PRKCH: variants seen among roughly 807,000 people sequenced by gnomAD.
PRKCH encodes protein kinase C eta type.
A neutral mutation model predicts 82.5 loss-of-function variants in PRKCH; 28 were observed. The observed-to-expected ratio is 0.34, with a 90% CI of 0.25 to 0.47. The LOEUF (loss-of-function observed/expected upper bound fraction) is 0.47, where lower values mean the gene tolerates loss of function less well. Among genes scored for constraint, PRKCH ranks in the 20% least tolerant of loss-of-function variants. The probability of loss-of-function intolerance (pLI) is 1.00; values close to 1 mark genes in which losing one functional copy is unlikely to be tolerated. For synonymous variants in PRKCH, 322 were observed against 327.4 expected, an observed-to-expected ratio of 0.98 and a Z score of 0.18; for missense variants, 705 against 881.8, an observed-to-expected ratio of 0.80 and a Z score of 2.54.
chr14:61,281,336 A>C, intron 1 of PRKCH: 1 of 370,600 alleles, frequency 2.7e-6, no homozygotes, highest in Non-Finnish European at 5.0e-6. Flanking sequence ...CCCTACGAGC[A>C]GTGCCCACAC....
At position 61,202,110 on chromosome 14, in the gene PRKCH, G is replaced by C. The variant is rs1369627769; in HGVS notation, c.-19+14442G>C. Among the ~76,000 whole-genome samples, 3 of 152,298 alleles carry C rather than the reference G, an allele frequency of 2.0e-5. No individual in the cohort carries two copies. In the East Asian group the frequency reaches 5.8e-4, roughly 29 times the overall value. On this transcript the variant is annotated intron_variant, in intron 1 of 3. Coordinates refer to the PRKCH transcript ENST00000555185. ...ATGTAAGTGGCACCAAGTGGGATGA[G>C]GGGCTTCTTCCAAAGGCTGGAACCA...
chr14:61,476,449 G>A (rs1449841637), intron 9 of PRKCH: 2 of 152,198 alleles, frequency 1.3e-5, no homozygotes, highest in African/African-American at 4.8e-5. Context: ...TCAGGAAGAG[G>A]GGACTTGTGC....
chr14:61,279,995 G>A, intron 1 of PRKCH: 1 of 1,068,100 alleles, frequency 9.4e-7, no homozygotes. Flanking sequence ...GGAAAAGCTA[G>A]GCGAGGTTGG....
intron 1 of PRKCH, among the ~76,000 whole-genome samples, chr14:61,238,963 G>C (rs939476521): frequency 1.2e-4 from 19 of 152,162 alleles, no homozygotes; most frequent in Non-Finnish European, 2.5e-4. Flanking sequence ...TCATTATAAA[G>C]CTGGTCCCAC....
intron 1 of PRKCH, among the ~76,000 whole-genome samples, chr14:61,390,484 A>G (rs984105715): frequency 6.6e-6 from 1 of 152,136 alleles, no homozygotes; most frequent in African/African-American, 2.4e-5. Context: ...CAGCCTGGCC[A>G]ACATGGTGAA....
At chr14:61,531,831 A>G (rs2043047008) in intron 12 of PRKCH, among the ~76,000 whole-genome samples, 1 of 152,224 alleles carries the variant, frequency 6.6e-6, no homozygotes. Flanking sequence ...ATATTAGTAG[A>G]AATTTTAGAG....
intron 1 of PRKCH, among the ~76,000 whole-genome samples, chr14:61,257,999 T>G (rs1218732907): frequency 6.6e-6 from 1 of 152,008 alleles, no homozygotes; most frequent in Non-Finnish European, 1.5e-5. Flanking sequence ...TTGCTAGGTG[T>G]TTTAACTGGA....
chr14:61,537,284 A>C (rs369318644), intron 12 of PRKCH, among the ~76,000 whole-genome samples: 2 of 152,214 alleles, frequency 1.3e-5, no homozygotes, highest in African/African-American at 2.4e-5. Flanking sequence ...TAACACAAAA[A>C]AGGCATATGA....
intron 1 of PRKCH, among the ~76,000 whole-genome samples, chr14:61,374,390 A>T (rs752204230): frequency 6.6e-6 from 1 of 152,130 alleles, no homozygotes; most frequent in Non-Finnish European, 1.5e-5. Context: ...TCCACTAGGT[A>T]GTGCCCCAAT....
intron 9 of PRKCH, among the ~76,000 whole-genome samples, chr14:61,462,514 ACATAG>A (rs772297669): frequency 6.6e-6 from 1 of 152,244 alleles, no homozygotes; most frequent in Non-Finnish European, 1.5e-5. Context: ...TCCACAGTAC[ACATAG>A]CATTTGCTCG....
chr14:61,203,836 G>A (rs1385930300), intron 1 of PRKCH, among the ~76,000 whole-genome samples: 2 of 151,528 alleles, frequency 1.3e-5, no homozygotes, highest in Non-Finnish European at 2.9e-5. Flanking sequence ...GAGAGACCCC[G>A]TCTCAAAATA....
At chr14:61,541,396 GCCCTTTCTCCCCAGGA>G (rs2043183215) in intron 12 of PRKCH, among the ~76,000 whole-genome samples, 1 of 152,168 alleles carries the variant, frequency 6.6e-6, no homozygotes, top group Non-Finnish European at 1.5e-5. Context: ...CTCTTTCTCT[GCCCTTTCTCCCCAGGA>G]CCCTCTCTAG....
In PRKCH at chr14:61,399,640, A is replaced by G. The variant is rs147842289; in HGVS notation, c.427+8352A>G. The stretch of plus-strand genomic sequence containing the variant: ...TAGATTATCTCCTACTAATAATTAC[A>G]TAACATTTTGCAGTTGCGAAGTTTA... On this transcript the variant is annotated intron_variant, in intron 2 of 13. Coordinates refer to ENST00000332981, the MANE Select transcript of PRKCH (RefSeq NM_006255.5). 3.2e-3 allele frequency among the ~76,000 whole-genome samples: 486 copies of G among 152,348 alleles called. 2 individuals are homozygous for G. Among genetic ancestry groups the G allele is most frequent in the African/African-American group, 0.011 (459 of 41,576 alleles).
At chr14:61,265,135 G>C (rs1220362505) in intron 1 of PRKCH, among the ~76,000 whole-genome samples, 1 of 152,000 alleles carries the variant, frequency 6.6e-6, no homozygotes, top group African/African-American at 2.4e-5. Context: ...AAAATAACAG[G>C]GTTATCCTCT....
intron 1 of PRKCH, among the ~76,000 whole-genome samples, chr14:61,307,908 C>T (rs1263343156): frequency 6.6e-6 from 1 of 152,210 alleles, no homozygotes; most frequent in Non-Finnish European, 1.5e-5. Flanking sequence ...GCAATCAGGG[C>T]TTACTGTGAC....
chr14:61,422,611 C>T (rs1050490484), intron 2 of PRKCH, among the ~76,000 whole-genome samples: 1 of 152,204 alleles, frequency 6.6e-6, no homozygotes, highest in African/African-American at 2.4e-5. Flanking sequence ...TCGGGGGTCC[C>T]TCTGCCCCAC....
chr14:61,517,238 A>G (rs955110464), intron 10 of PRKCH, among the ~76,000 whole-genome samples: 7 of 151,278 alleles, frequency 4.6e-5, no homozygotes, highest in African/African-American at 1.7e-4. Context: ...CCTCATCACC[A>G]CCTCCCTTTT....
At chr14:61,315,609 A>G (rs2045556053) in intron 1 of PRKCH, among the ~76,000 whole-genome samples, 1 of 152,170 alleles carries the variant, frequency 6.6e-6, no homozygotes, top group African/African-American at 2.4e-5. Context: ...CCTTTAAAAT[A>G]AGTACATTTA....
intron 1 of PRKCH, among the ~76,000 whole-genome samples, chr14:61,336,776 T>A (rs2140133139): frequency 6.6e-6 from 1 of 152,268 alleles, no homozygotes; most frequent in Non-Finnish European, 1.5e-5. Flanking sequence ...GTTTTAAAAG[T>A]ACGTCATTAG....
Sources: allele counts gnomAD v4.1 joint callset (sites outside exome capture counted in the v4.1 genomes callset), GRCh38; gene constraint gnomAD v4.1.1; transcripts MANE v1.5; gene names NCBI Gene and HGNC (gene_info 2026-07-23, HGNC 2026-07-21).